The following TWIST2 variants were observed in gnomAD, a reference collection of about 807,000 sequenced individuals.
The protein encoded by TWIST2 is twist family bHLH transcription factor 2.
Under a neutral mutation model 11.6 loss-of-function variants are expected in TWIST2, and 1 was observed. That is an observed-to-expected ratio of 0.09 (90% CI 0.03 to 0.41). The LOEUF is 0.41. Among genes scored for constraint, TWIST2 ranks in the 10% least tolerant of loss-of-function variants. The probability of loss-of-function intolerance (pLI) is 0.98; values close to 1 mark genes in which losing one functional copy is unlikely to be tolerated. For missense variants in TWIST2, 168 were observed against 226.4 expected, an observed-to-expected ratio of 0.74 and a Z score of 1.66; for synonymous variants, 87 against 96.6, an observed-to-expected ratio of 0.90 and a Z score of 0.58.
At chr2:238,894,614 C>T (rs987802036) in intron 1 of TWIST2, among the ~76,000 whole-genome samples, 1,646 of 152,312 alleles carry the variant, frequency 0.011, 10 homozygotes, top group Non-Finnish European at 0.018. Flanking sequence ...GCCTCCTTGT[C>T]GCTTTGGGGA....
At chr2:238,902,096 G>A (rs1183929842) in intron 1 of TWIST2, among the ~76,000 whole-genome samples, 1 of 152,158 alleles carries the variant, frequency 6.6e-6, no homozygotes, top group Non-Finnish European at 1.5e-5. Flanking sequence ...CCACGCTTCT[G>A]TGGCCAGATT....
chr2:238,850,504 A>C (rs1692223645), intron 1 of TWIST2, among the ~76,000 whole-genome samples: 1 of 152,228 alleles, frequency 6.6e-6, no homozygotes, highest in African/African-American at 2.4e-5. Context: ...TGTCACTTTA[A>C]TTATCGTTAA....
chr2:238,905,864 T>C (rs1352589517), intron 1 of TWIST2, among the ~76,000 whole-genome samples: 5 of 128,824 alleles, frequency 3.9e-5, no homozygotes, highest in Non-Finnish European at 8.5e-5. Context: ...TGCGTGTGTG[T>C]GCGTGCGTGT....
intron 1 of TWIST2, among the ~76,000 whole-genome samples, chr2:238,879,340 A>G (rs1032290085): frequency 1.3e-5 from 2 of 152,202 alleles, no homozygotes; most frequent in African/African-American, 4.8e-5. Flanking sequence ...CTGTCAGCCC[A>G]CGACTGTTCT....
intron 1 of TWIST2, among the ~76,000 whole-genome samples, chr2:238,908,502 C>T (rs1693394535): frequency 6.6e-6 from 1 of 152,110 alleles, no homozygotes; most frequent in African/African-American, 2.4e-5. Context: ...ACATACATAC[C>T]CCACACCACA....
intron 1 of TWIST2, among the ~76,000 whole-genome samples, chr2:238,900,656 C>T (rs1046218095): frequency 1.3e-5 from 2 of 152,182 alleles, no homozygotes; most frequent in Admixed American, 1.3e-4. Context: ...TGGGTATGGA[C>T]TTTCGGGGCT....
At chr2:238,855,138 C>A (rs376919721) in intron 1 of TWIST2, among the ~76,000 whole-genome samples, 12 of 152,292 alleles carry the variant, frequency 7.9e-5, no homozygotes, top group African/African-American at 2.6e-4. Flanking sequence ...AAACCTATAC[C>A]GACTGGGTCC....
At chr2:238,851,203 C>G (rs1692235120) in intron 1 of TWIST2, among the ~76,000 whole-genome samples, 1 of 152,248 alleles carries the variant, frequency 6.6e-6, no homozygotes, top group Admixed American at 6.5e-5. Context: ...AACAGCAGCA[C>G]AAAGCCTAAA....
At chr2:238,871,817 T>G (rs1435332048) in intron 1 of TWIST2, among the ~76,000 whole-genome samples, 1 of 152,170 alleles carries the variant, frequency 6.6e-6, no homozygotes, top group East Asian at 1.9e-4. Context: ...ACTCTATGAC[T>G]CCACTTACAC....
At chr2:238,872,553 C>T (rs1439636812) in intron 1 of TWIST2, among the ~76,000 whole-genome samples, 1 of 152,164 alleles carries the variant, frequency 6.6e-6, no homozygotes, top group East Asian at 1.9e-4. Context: ...TCTTTCTTTT[C>T]CAAGAATTGG....
intron 1 of TWIST2, among the ~76,000 whole-genome samples, chr2:238,904,571 G>C (rs1250284127): frequency 6.6e-6 from 1 of 151,906 alleles, no homozygotes; most frequent in East Asian, 1.9e-4. Context: ...ACTGTCCAAC[G>C]GTGTCCATGG....
chr2:238,885,367 A>G (rs562223587), intron 1 of TWIST2, among the ~76,000 whole-genome samples: 38 of 148,782 alleles, frequency 2.6e-4, no homozygotes, highest in Admixed American at 4.6e-4. Context: ...GTGGAAAATG[A>G]AAAAACTGGC....
chr2:238,887,821 C>G (rs1432905785), intron 1 of TWIST2, among the ~76,000 whole-genome samples: 1 of 152,210 alleles, frequency 6.6e-6, no homozygotes, highest in Non-Finnish European at 1.5e-5. Flanking sequence ...TCCCTGCCAA[C>G]CTGAATGAGC....
In TWIST2 at chr2:238,864,245, A is replaced by C. The variant is rs1474179053; in HGVS notation, c.*35+15512A>C. 6.6e-6 allele frequency among the ~76,000 whole-genome samples: 1 copy of C among 152,140 alleles called. No individual in the cohort carries two copies. The highest frequency in any genetic ancestry group is 1.5e-5 in the Non-Finnish European group (1 of 68,036). The stretch of plus-strand genomic sequence containing the variant: ...TGCCGTGGTATCCTCTCTTCTCCAC[A>C]TTACACCCCAAGCACGCGACTGTGA... On this transcript the variant is annotated intron_variant, in intron 1 of 1. Transcript: ENST00000612363. This position sits in a 1 kb window ranked among gnomAD's most constrained non-coding sequence, Gnocchi z 4.7.
chr2:238,859,192 A>G lies in TWIST2; in HGVS notation c.*35+10459A>G, dbSNP rs182227882. On this transcript the variant is annotated intron_variant, in intron 1 of 1. Transcript: ENST00000612363. The stretch of plus-strand genomic sequence containing the variant: ...GCACCACTGCACTCCAGCCTAGGCA[A>G]CAAGAGCGACACTCCGTCTCAAAAA... Among the ~76,000 whole-genome samples, 17 of 145,310 alleles carry G rather than the reference A, an allele frequency of 1.2e-4. 1 individual carries two copies. In the East Asian group the frequency reaches 2.8e-3, roughly 24 times the overall value.
intron 1 of TWIST2, among the ~76,000 whole-genome samples, chr2:238,879,676 C>T (rs1329573156): frequency 2.0e-5 from 3 of 152,248 alleles, no homozygotes; most frequent in Non-Finnish European, 4.4e-5. Context: ...GGCCATCCTG[C>T]ACCAGCTGGG....
intron 1 of TWIST2, among the ~76,000 whole-genome samples, chr2:238,881,559 G>A (rs72988235): frequency 0.13 from 19,424 of 151,844 alleles, 1,315 homozygotes; most frequent in African/African-American, 0.18. Context: ...TAGTATTAGC[G>A]TTAGAATTTA....
chr2:238,880,308 T>C (rs1692892430), intron 1 of TWIST2, among the ~76,000 whole-genome samples: 1 of 148,492 alleles, frequency 6.7e-6, no homozygotes, highest in Admixed American at 6.8e-5. Flanking sequence ...ATTGTTAGTG[T>C]TAGTGTTGGT....
chr2:238,901,864 C>T (rs924867985), intron 1 of TWIST2, among the ~76,000 whole-genome samples: 124 of 152,124 alleles, frequency 8.2e-4, no homozygotes, highest in African/African-American at 2.8e-3. Context: ...CACCCTGGCA[C>T]GTTCCCTAGC....
Sources: allele counts gnomAD v4.1 joint callset (sites outside exome capture counted in the v4.1 genomes callset), GRCh38; gene constraint gnomAD v4.1.1; non-coding constraint Gnocchi (gnomAD v3.1); transcripts MANE v1.5; gene names NCBI Gene and HGNC (gene_info 2026-07-23, HGNC 2026-07-21).